Variants in TBC1D15 observed in about 807,000 individuals in gnomAD.
The protein encoded by TBC1D15 is TBC1 domain family member 15.
A neutral mutation model predicts 95.4 loss-of-function variants in TBC1D15; 39 were observed. That is an observed-to-expected ratio of 0.41 (90% CI 0.32 to 0.53). TBC1D15 has a LOEUF of 0.53. TBC1D15 is among the 20% of genes least tolerant of loss of function. The pLI is 0.29. For synonymous variants in TBC1D15, 258 were observed against 261.3 expected, an observed-to-expected ratio of 0.99 and a Z score of 0.12; for missense variants, 733 against 794.3, an observed-to-expected ratio of 0.92 and a Z score of 0.93.
chr12:71,840,156 T>C (rs1884571167), intron 1 of TBC1D15, among the ~76,000 whole-genome samples: 1 of 152,208 alleles, frequency 6.6e-6, no homozygotes, highest in African/African-American at 2.4e-5. Context: ...TTATGTCTAC[T>C]CTTCTGACTC....
intron 9 of TBC1D15, among the ~76,000 whole-genome samples, chr12:71,897,562 A>AT: frequency 6.6e-6 from 1 of 152,188 alleles, no homozygotes; most frequent in South Asian, 2.1e-4. Flanking sequence ...ACTTTTAGAC[A>AT]TGATTTTAAG....
intron 10 of TBC1D15, among the ~76,000 whole-genome samples, chr12:71,899,596 G>T (rs192718388): frequency 1.3e-5 from 2 of 152,270 alleles, no homozygotes; most frequent in East Asian, 3.9e-4. Flanking sequence ...GTAAGCTTTA[G>T]GTCTTGCATA....
chr12:71,845,763 T>C (rs1452161238), intron 1 of TBC1D15, among the ~76,000 whole-genome samples: 1 of 152,164 alleles, frequency 6.6e-6, no homozygotes, highest in Non-Finnish European at 1.5e-5. Flanking sequence ...ATGCATGTTG[T>C]GTATGATAGG....
intron 10 of TBC1D15, among the ~76,000 whole-genome samples, chr12:71,900,539 A>G (rs956214619): frequency 2.0e-5 from 3 of 152,078 alleles, no homozygotes; most frequent in Admixed American, 2.0e-4. Context: ...CTGAAAACCA[A>G]ATTGATTATT....
At chr12:71,881,434 G>A (rs1416599300) in intron 4 of TBC1D15, among the ~76,000 whole-genome samples, 1 of 152,170 alleles carries the variant, frequency 6.6e-6, no homozygotes, top group Non-Finnish European at 1.5e-5. Context: ...GGGTAGGTTA[G>A]ATTTTTAAAA....
intron 11 of TBC1D15, among the ~76,000 whole-genome samples, chr12:71,909,590 A>G (rs529105774): frequency 1.2e-4 from 18 of 152,278 alleles, no homozygotes; most frequent in African/African-American, 4.3e-4. Context: ...ATGATTTCTG[A>G]TCCTCAAGAT....
At chr12:71,883,013 A>C (rs1895515510) in intron 4 of TBC1D15, among the ~76,000 whole-genome samples, 1 of 152,164 alleles carries the variant, frequency 6.6e-6, no homozygotes, top group Non-Finnish European at 1.5e-5. Context: ...GCATACATAT[A>C]GTATTTAATA....
chr12:71,856,822 G>A (rs1889186767), intron 1 of TBC1D15, among the ~76,000 whole-genome samples: 1 of 152,120 alleles, frequency 6.6e-6, no homozygotes, highest in African/African-American at 2.4e-5. Context: ...TAAGTTGATA[G>A]CCTTTTTCAT....
intron 14 of TBC1D15, among the ~76,000 whole-genome samples, chr12:71,919,370 C>G (rs1211119874): frequency 6.6e-6 from 1 of 151,972 alleles, no homozygotes; most frequent in Non-Finnish European, 1.5e-5. Context: ...TCATAGAATG[C>G]TGGTATAATG....
intron 1 of TBC1D15, among the ~76,000 whole-genome samples, chr12:71,868,197 G>A (rs1290946849): frequency 6.6e-6 from 1 of 151,218 alleles, no homozygotes; most frequent in Non-Finnish European, 1.5e-5. Flanking sequence ...AAAAAGGGCT[G>A]AAGAGTTGAG....
At chr12:71,922,865 A>T in intron 16 of TBC1D15, 118 bp from the exon 17 acceptor site, 2 of 947,278 alleles carry the variant, frequency 2.1e-6, no homozygotes, top group Admixed American at 4.5e-5. Flanking sequence ...TGACATTTAC[A>T]CTGTTAGGAC....
intron 10 of TBC1D15, among the ~76,000 whole-genome samples, chr12:71,901,430 G>A (rs1899372936): frequency 6.6e-6 from 1 of 152,164 alleles, no homozygotes; most frequent in African/African-American, 2.4e-5. Flanking sequence ...TTAATTTTGA[G>A]ATGCCTATAT....
chr12:71,855,863 T>A (rs1888936471), intron 1 of TBC1D15, among the ~76,000 whole-genome samples: 1 of 152,024 alleles, frequency 6.6e-6, no homozygotes, highest in Non-Finnish European at 1.5e-5. Context: ...TATCTTCTAC[T>A]TAGTATTACT....
At chr12:71,844,512 C>T (rs542025199) in intron 1 of TBC1D15, among the ~76,000 whole-genome samples, 9 of 152,168 alleles carry the variant, frequency 5.9e-5, no homozygotes, top group Admixed American at 4.6e-4. Context: ...GTTTATATGT[C>T]GCTCTAAGTA....
At chr12:71,902,970 C>T (rs939595285) in intron 10 of TBC1D15, among the ~76,000 whole-genome samples, 3 of 152,088 alleles carry the variant, frequency 2.0e-5, no homozygotes, top group Non-Finnish European at 4.4e-5. Context: ...TGGAGTGCAG[C>T]AGTGCAATCT....
At chr12:71,896,904 A>G in intron 9 of TBC1D15, 124 bp downstream of exon 9, 1 of 610,642 alleles carries the variant, frequency 1.6e-6, no homozygotes. Flanking sequence ...CTTCATTTTT[A>G]TGTTTTAACT....
At chr12:71,908,342 AT>A (rs1440570832) in intron 11 of TBC1D15, among the ~76,000 whole-genome samples, 5 of 152,236 alleles carry the variant, frequency 3.3e-5, no homozygotes, top group Non-Finnish European at 5.9e-5. Context: ...ATAAGTATAA[AT>A]ACTAGAAATG....
At chr12:71,876,680 C>T (rs1307619287) in intron 3 of TBC1D15, among the ~76,000 whole-genome samples, 5 of 151,888 alleles carry the variant, frequency 3.3e-5, no homozygotes, top group Non-Finnish European at 7.4e-5. Flanking sequence ...GGAACAAAAA[C>T]ATTTCTTTTT....
chr12:71,851,653 T>C (rs2137945593), intron 1 of TBC1D15, among the ~76,000 whole-genome samples: 1 of 152,352 alleles, frequency 6.6e-6, no homozygotes, highest in African/African-American at 2.4e-5. Context: ...AGAAAGGGGC[T>C]GTAGGCACAT....
Sources: gnomAD v4.1 joint callset for allele counts (sites outside exome capture counted in the v4.1 genomes callset) on GRCh38, gnomAD v4.1.1 for gene constraint, MANE v1.5 for transcripts, NCBI Gene and HGNC (gene_info 2026-07-23, HGNC 2026-07-21) for gene names.